Variants in SLC30A10 observed in about 807,000 individuals in gnomAD.
SLC30A10 encodes solute carrier family 30 member 10.
In SLC30A10, 8 loss-of-function variants were observed where a neutral mutation model predicts 21.7. That is an observed-to-expected ratio of 0.37 (90% confidence interval 0.22 to 0.67). SLC30A10 has a LOEUF of 0.67. Among genes scored for constraint, SLC30A10 ranks in the 30% least tolerant of loss-of-function variants. SLC30A10 has a pLI of 0.58. For synonymous variants in SLC30A10, 272 were observed against 279.4 expected (o/e 0.97, Z 0.26); for missense variants, 521 against 642.5 (o/e 0.81, Z 2.04).
chr1:219,922,176 GTTTTTTTTTTTTTTTTTT>G lies in SLC30A10; in HGVS notation c.719-3700_719-3683del, dbSNP rs869249213. On this transcript the variant is annotated intron_variant, in intron 2 of 3. Transcript: ENST00000366926. ...TTCTTGTTTGTGTGTGTGTGTGTGT[GTTTTTTTTTTTTTTTTTT>G]TTTTTTTTTTTTTTTTTTTTTTTTT... is the stretch of plus-strand genomic sequence containing the variant. 2.1e-3 allele frequency among the ~76,000 whole-genome samples: 78 copies of G among 36,448 alleles called. 5 individuals are homozygous for G. Among genetic ancestry groups the G allele is most frequent in the African/African-American group, 7.3e-3 (66 of 9,000 alleles). The allele number at this position is 36,448 out of a possible 152,430, so 23.9% of individuals were successfully genotyped here. A position where few individuals can be genotyped will look rare whatever the true frequency, so the allele number is the denominator to read the frequency against.
At chr1:219,921,946 C>T (rs12074505) in intron 2 of SLC30A10, among the ~76,000 whole-genome samples, 2,332 of 72,688 alleles carry the variant, frequency 0.032, 66 homozygotes, top group African/African-American at 0.15. Context: ...AGAGAGAGAC[C>T]GAGAGAGAGA....
In SLC30A10 at chr1:219,910,506, A is replaced by G; in HGVS notation, c.*4943T>C. ...ACATCTTTGAAAGGTATGCTCATGTACATACATTACTGGGGGATTCACATG... is the reference window on the plus strand; with the variant it reads ...ACATCTTTGAAAGGTATGCTCATGTGCATACATTACTGGGGGATTCACATG... On this transcript the variant is annotated 3_prime_UTR_variant, in exon 4 of 4. Transcript: ENST00000366926. 1.3e-5 allele frequency among the ~76,000 whole-genome samples: 2 copies of G among 152,224 alleles called. No homozygotes were observed. Among genetic ancestry groups the G allele is most frequent in the East Asian group, 3.9e-4 (2 of 5,188 alleles).
chr1:219,937,492 A>T (rs376610555), intron 1 of SLC30A10, among the ~76,000 whole-genome samples: 443 of 152,270 alleles, frequency 2.9e-3, no homozygotes, highest in African/African-American at 0.01. Flanking sequence ...TGTTTTCCAT[A>T]TCTATTATCT....
intron 2 of SLC30A10, among the ~76,000 whole-genome samples, chr1:219,919,794 A>T (rs1196422588): frequency 6.8e-6 from 1 of 147,202 alleles, no homozygotes; most frequent in African/African-American, 2.5e-5. Flanking sequence ...AAAAAAAAAA[A>T]TGCCCAGATG....
chr1:219,925,651 A>ATATATATATATAT (rs1317554458), intron 2 of SLC30A10, among the ~76,000 whole-genome samples: 3 of 48,284 alleles, frequency 6.2e-5, no homozygotes, highest in Non-Finnish European at 9.5e-5. Context: ...ATATATATAT[A>ATATATATATATAT]TTTTTTTTTT....
intron 1 of SLC30A10, among the ~76,000 whole-genome samples, chr1:219,948,068 C>A (rs957838526): frequency 5.9e-5 from 9 of 152,016 alleles, no homozygotes; most frequent in African/African-American, 2.2e-4. Context: ...CGTGAAGGAT[C>A]TCTTCAAGGA....
At chr1:219,954,643 T>A (rs1194703276) in intron 1 of SLC30A10, among the ~76,000 whole-genome samples, 2 of 123,936 alleles carry the variant, frequency 1.6e-5, no homozygotes, top group South Asian at 5.3e-4. Flanking sequence ...ATCATACCAC[T>A]GCACTCTAGC....
At position 219,912,028 on chromosome 1, in the gene SLC30A10, A is replaced by C. The variant is rs1172949017; in HGVS notation, c.*3421T>G. Among the ~76,000 whole-genome samples the C allele has an allele frequency of 6.6e-5, 10 of 152,086 alleles. No homozygotes were observed. The highest frequency in any genetic ancestry group is 1.2e-4 in the Non-Finnish European group (8 of 68,018). ...GAGAACCCCTGGAGTAAGCCTCACA[A>C]AAGCTCTTATGACCTCACAGGGCAG... On this transcript the variant is annotated 3_prime_UTR_variant, in exon 4 of 4. Coordinates refer to ENST00000366926, the MANE Select transcript of SLC30A10 (RefSeq NM_018713.3).
At chr1:219,930,100 G>GA (rs1659944430), upstream of SLC30A10, among the ~76,000 whole-genome samples, 1 of 151,628 alleles carries the variant, frequency 6.6e-6, no homozygotes, top group African/African-American at 2.4e-5. Context: ...AACCATTCCT[G>GA]AAGAATACAC....
At chr1:219,958,089 G>C (rs532966570) in intron 1 of SLC30A10, among the ~76,000 whole-genome samples, 1 of 152,026 alleles carries the variant, frequency 6.6e-6, no homozygotes, top group Non-Finnish European at 1.5e-5. Context: ...GTTAATCAGC[G>C]TACCTGATTG....
chr1:219,941,629 A>ATTCC lies in SLC30A10; in HGVS notation n.81-14528_81-14525dup, dbSNP rs564430936. On this transcript the variant is annotated intron_variant and non_coding_transcript_variant, in intron 1 of 8. Transcript: ENST00000484239. ...CCTTCCTTCCTTCCTTCTTTCTTTC[A>ATTCC]TTCCTTCCTTCCTTCCTTCTCTCCC... is the stretch of plus-strand genomic sequence containing the variant. 2.1e-3 allele frequency among the ~76,000 whole-genome samples: 202 copies of ATTCC among 96,390 alleles called. 2 individuals are homozygous for ATTCC. Among genetic ancestry groups the ATTCC allele is most frequent in the African/African-American group, 6.9e-3 (151 of 21,742 alleles). The allele number at this position is 96,390 out of a possible 152,430, so 63.2% of individuals were successfully genotyped here.
intron 1 of SLC30A10, among the ~76,000 whole-genome samples, chr1:219,949,354 A>G (rs1458668658): frequency 1.3e-5 from 2 of 152,070 alleles, no homozygotes; most frequent in Non-Finnish European, 2.9e-5. Context: ...CTTGGAACCA[A>G]CCCAAATGTC....
At position 219,927,856 on chromosome 1, in the gene SLC30A10, C is replaced by A. The variant is rs752370691; in HGVS notation, c.585G>T (p.Gly195=). The change falls in exon 1 of 4, where the codon GGG becomes GGT. Residue 195 remains glycine, a synonymous_variant. Coordinates refer to ENST00000366926, the MANE Select transcript of SLC30A10 (RefSeq NM_018713.3). The part of the protein sequence containing the change: ...PGSDSAVTLR[G]TSVERKREKG... ...TCTCCCGCTTCCTTTCCACCGAGGT[C>A]CCCCGGAGGGTTACGGCCGAGTCCG... 1 of 1,547,016 alleles carries A rather than the reference C, an allele frequency of 6.5e-7. No homozygotes were observed. The highest frequency in any genetic ancestry group is 1.2e-5 in the South Asian group (1 of 83,910).
Position 219,927,105 on chromosome 1 carries a change from C to A in SLC30A10, c.641G>T (p.Gly214Val). 1 of 1,613,870 alleles carries A rather than the reference C, an allele frequency of 6.2e-7. No individual in the cohort carries two copies. The highest frequency in any genetic ancestry group is 1.1e-5 in the South Asian group (1 of 91,058). The change falls in exon 2 of 4, where the codon GGT becomes GTT. Residue 214 changes from glycine (G) to valine (V), a missense_variant and splice_region_variant. Gly to Val is a moderately radical substitution (Grantham distance 109). Coordinates refer to ENST00000366926, the MANE Select transcript of SLC30A10 (RefSeq NM_018713.3). ...KGATVFANVA[G>V]DSFNTQNEPE... is the part of the protein sequence containing the mutation. ...CTCATTCTGGGTGTTGAAGGAATCA[C>A]CTGCATTCAAAGAAGAAACCTTGTG...
rs768813643 is a variant in SLC30A10, at chr1:219,918,252, T to TA, written c.958+2dup. ...GTTCTGGATCAAAATTCAGTCTACT[T>TA]ACTCAGCTCTTCCATGTTGACTCCT... On this transcript the variant is annotated splice_region_variant and intron_variant, in intron 3 of 3. Coordinates refer to ENST00000366926, the MANE Select transcript of SLC30A10 (RefSeq NM_018713.3). The surrounding 1 kb of genome is among the most constrained non-coding windows in gnomAD (Gnocchi z 4.4). 2.5e-6 allele frequency: 4 copies of TA among 1,613,584 alleles called. No individual in the cohort carries two copies. The African/African-American group carries it at 5.3e-5, about 22-fold the overall frequency.
chr1:219,953,852 G>T (rs1033641442), intron 1 of SLC30A10, among the ~76,000 whole-genome samples: 6 of 151,374 alleles, frequency 4.0e-5, no homozygotes, highest in Non-Finnish European at 8.8e-5. Flanking sequence ...GACTACAGGC[G>T]CCTGCCACCA....
At position 219,915,727 on chromosome 1, in the gene SLC30A10, T is replaced by C. The variant is rs1207616870; in HGVS notation, c.1180A>G (p.Lys394Glu). ...NVDLKEPLEQKDLLLLCNSPC... is the reference protein window; with the variant it reads ...NVDLKEPLEQEDLLLLCNSPC... ...GAGTTGCAGAGCAACAGTAAGTCCTTCTGCTCCAGGGGTTCCTTCAAGTCC... is the reference window on the plus strand; with the variant it reads ...GAGTTGCAGAGCAACAGTAAGTCCTCCTGCTCCAGGGGTTCCTTCAAGTCC... Residue 394 changes from lysine to glutamate, a missense_variant, in exon 4 of 4, where the codon AAG (lysine) becomes GAG (glutamate). Transcript: ENST00000366926. 23 of 1,614,064 alleles carry C rather than the reference T, an allele frequency of 1.4e-5. No individual in the cohort carries two copies. Among genetic ancestry groups the C allele is most frequent in the Non-Finnish European group, 1.9e-5 (23 of 1,180,028 alleles).
intron 1 of SLC30A10, among the ~76,000 whole-genome samples, chr1:219,945,521 C>G (rs908626507): frequency 6.6e-6 from 1 of 151,942 alleles, no homozygotes; most frequent in African/African-American, 2.4e-5. Flanking sequence ...TGAAAAACCA[C>G]GTAGAATGCA....
At chr1:219,941,845 A>G (rs1278757201) in intron 1 of SLC30A10, among the ~76,000 whole-genome samples, 1 of 152,118 alleles carries the variant, frequency 6.6e-6, no homozygotes, top group African/African-American at 2.4e-5. Context: ...TTTCAATGTC[A>G]CTCGCTGGGA....
Sources: allele counts gnomAD v4.1 joint callset (sites outside exome capture counted in the v4.1 genomes callset), GRCh38; gene constraint gnomAD v4.1.1; non-coding constraint Gnocchi (gnomAD v3.1); transcripts MANE v1.5; gene names NCBI Gene and HGNC (gene_info 2026-07-23, HGNC 2026-07-21).